The following PSG3 variants were observed in gnomAD, a reference collection of about 807,000 sequenced individuals.
PSG3 encodes the protein pregnancy-specific beta-1-glycoprotein 3.
In PSG3, 61 loss-of-function variants were observed where a neutral mutation model predicts 47.5. The observed-to-expected ratio is 1.28, with a 90% confidence interval of 1.05 to 1.59. The LOEUF (loss-of-function observed/expected upper bound fraction) is 1.59, where lower values mean the gene tolerates loss of function less well. Ranked by LOEUF, PSG3 falls within the 40% of genes most tolerant of loss-of-function variation. The probability of loss-of-function intolerance (pLI) is 0.00; values close to 1 mark genes in which losing one functional copy is unlikely to be tolerated. For missense variants in PSG3, 756 were observed against 524.0 expected (o/e 1.44, Z -4.32); for synonymous variants, 263 against 198.4 (o/e 1.33, Z -2.74).
chr19:42,732,492 C>T (rs144918897), intron 3 of PSG3: 3 of 664,904 alleles, frequency 4.5e-6, no homozygotes, highest in Non-Finnish European at 4.9e-6. Flanking sequence ...ACACTGAAGT[C>T]CCAGCCAAAT....
At position 42,721,764 on chromosome 19, in the gene PSG3, A is replaced by G. The variant is rs1003710971; in HGVS notation, c.*367T>C. 3 of 402,518 alleles carry G rather than the reference A, an allele frequency of 7.5e-6. No individual in the cohort carries two copies. The highest frequency in any genetic ancestry group is 6.2e-5 in the African/African-American group (3 of 48,546). 24.9% of individuals were successfully genotyped at this position (402,518 alleles called of 1,614,324 possible). Reference sequence around the variant, plus strand: ...ATTTTTGTTTACAAAAGTATACTTTACCAATTGCTGAAGAAAAAAAGTGCA... The same window carrying G: ...ATTTTTGTTTACAAAAGTATACTTTGCCAATTGCTGAAGAAAAAAAGTGCA... On this transcript the variant is annotated 3_prime_UTR_variant, in exon 7 of 7. Coordinates refer to ENST00000327495, the MANE Select transcript of PSG3 (RefSeq NM_021016.4).
rs200029769 is a variant in PSG3, at chr19:42,729,486, G to C, written c.989-109C>G. 5.3e-4 allele frequency: 796 copies of C among 1,513,082 alleles called. 8 individuals are homozygous for C. The South Asian group carries it at 6.9e-3, about 13-fold the overall frequency. The allele number at this position is 1,513,082 out of a possible 1,614,324, so 93.7% of individuals were successfully genotyped here. ...TCTGAGCCAAGACACACCCTCAAGT[G>C]CCAGCCAAACCCCCTCTATGTTCAC... On this transcript the variant is annotated intron_variant, in intron 4 of 6. Coordinates refer to ENST00000327495, the MANE Select transcript of PSG3 (RefSeq NM_021016.4).
chr19:42,722,277 G>T (rs1969310763), intron 6 of PSG3, among the ~76,000 whole-genome samples, 187 bp from the exon 7 acceptor site: 1 of 151,948 alleles, frequency 6.6e-6, no homozygotes, highest in Admixed American at 6.5e-5. Context: ...TTGAGACGGA[G>T]TCTCACTCTG....
Position 42,736,612 on chromosome 19 carries a change from T to TTGTGTGTGTGTGTGTG in PSG3, c.430+2096_430+2111dup, listed in dbSNP as rs61479007. ...ACTACAAACCACCATTTCAATACAT[T>TTGTGTGTGTGTGTGTG]TGTGTGTGTGTGTGTGTGTGTGTGT... is the stretch of plus-strand genomic sequence containing the variant. On this transcript the variant is annotated intron_variant, in intron 2 of 6. Transcript: ENST00000327495. 1.7e-3 allele frequency among the ~76,000 whole-genome samples: 241 copies of TTGTGTGTGTGTGTGTG among 138,722 alleles called. 5 individuals are homozygous for TTGTGTGTGTGTGTGTG. The highest frequency in any genetic ancestry group is 6.6e-3 in the African/African-American group (233 of 35,516). The allele number at this position is 138,722 out of a possible 152,430, so 91.0% of individuals were successfully genotyped here.
chr19:42,729,459 C>G, intron 4 of PSG3, 82 bp from the exon 5 acceptor site: 1 of 1,543,272 alleles, frequency 6.5e-7, no homozygotes, highest in Non-Finnish European at 8.7e-7. Flanking sequence ...ACACAGTGAC[C>G]CTCTGAGCCA....
At chr19:42,736,768 C>T (rs578239878) in intron 2 of PSG3, among the ~76,000 whole-genome samples, 5 of 152,150 alleles carry the variant, frequency 3.3e-5, no homozygotes, top group Admixed American at 6.5e-5. Flanking sequence ...GGAAAGAGCC[C>T]TGGATGGGAA....
At chr19:42,736,318 T>C (rs541926902) in intron 2 of PSG3, among the ~76,000 whole-genome samples, 156 of 152,334 alleles carry the variant, frequency 1.0e-3, no homozygotes, top group African/African-American at 3.3e-3. Context: ...TTTTGCATTC[T>C]GGCAACCGGC....
At chr19:42,731,373 G>A (rs1402161109) in intron 3 of PSG3, among the ~76,000 whole-genome samples, 5 of 152,188 alleles carry the variant, frequency 3.3e-5, no homozygotes, top group Non-Finnish European at 5.9e-5. Context: ...CATCAGATTA[G>A]TAGGCAAAAG....
At position 42,723,976 on chromosome 19, in the gene PSG3, C is replaced by T. The variant is rs761028412; in HGVS notation, c.*6G>A. 1.9e-5 allele frequency: 31 copies of T among 1,607,810 alleles called. No individual in the cohort carries two copies. In the East Asian group the frequency reaches 3.8e-4, roughly 20 times the overall value. ...TTCCTGAAATACAGAAATGACATCA[C>T]GGCTGCTATAATGGATTAAGGCCAG... On this transcript the variant is annotated 3_prime_UTR_variant, in exon 6 of 7. Transcript: ENST00000327495.
In PSG3 at chr19:42,730,951, G is replaced by A. The variant is rs781343276; in HGVS notation, c.710-895C>T. Among the ~76,000 whole-genome samples the A allele has an allele frequency of 4.6e-5, 7 of 152,308 alleles. No homozygotes were observed. In the East Asian group the frequency reaches 7.7e-4, roughly 17 times the overall value. ...CCTCATGGACCATATGTGTTTGATG[G>A]ATATGAGACAAATTTGGAGAGAAGT... On this transcript the variant is annotated intron_variant, in intron 3 of 6. Coordinates refer to ENST00000327495, the MANE Select transcript of PSG3 (RefSeq NM_021016.4).
intron 2 of PSG3, among the ~76,000 whole-genome samples, chr19:42,735,996 G>A (rs1333596233): frequency 6.6e-6 from 1 of 152,158 alleles, no homozygotes; most frequent in Admixed American, 6.5e-5. Context: ...CTCATTCCTG[G>A]GCATAGGCCA....
rs1277219639 is a variant in PSG3, at chr19:42,740,459, G to T, written c.-75C>A. On this transcript the variant is annotated 5_prime_UTR_variant, in exon 1 of 7. In the 5' UTR this introduces an upstream ATG that the reference lacks. Coordinates refer to ENST00000327495, the MANE Select transcript of PSG3 (RefSeq NM_021016.4). ...AGAAACTTCCTGAGCATGGCTCTCA[G>T]CTGTGCTGTCCTTCCTCCTTCTGCG... 6.2e-6 allele frequency: 10 copies of T among 1,612,642 alleles called. No individual in the cohort carries two copies. The highest frequency in any genetic ancestry group is 5.3e-5 in the African/African-American group (4 of 74,894).
intron 5 of PSG3, among the ~76,000 whole-genome samples, chr19:42,724,547 G>T (rs944473112): frequency 6.6e-6 from 1 of 152,188 alleles, no homozygotes; most frequent in African/African-American, 2.4e-5. Flanking sequence ...ACTCTAATGG[G>T]TGACTGGTTG....
chr19:42,734,611 T>C (rs1005145249), intron 2 of PSG3, among the ~76,000 whole-genome samples: 10 of 152,214 alleles, frequency 6.6e-5, no homozygotes, highest in Admixed American at 2.6e-4. Context: ...AGTATTTCTC[T>C]TGAGACCAAA....
chr19:42,731,404 A>G (rs558839142), intron 3 of PSG3, among the ~76,000 whole-genome samples: 2 of 152,284 alleles, frequency 1.3e-5, no homozygotes, highest in African/African-American at 4.8e-5. Flanking sequence ...TAAGCCAAAG[A>G]TATTCTTGCC....
chr19:42,732,762 C>T (rs199804997), intron 3 of PSG3, 22 bp downstream of exon 3: 2 of 1,614,150 alleles, frequency 1.2e-6, no homozygotes, highest in Non-Finnish European at 1.7e-6. Context: ...GACTGGCTCA[C>T]AGAGGAACAG....
intron 5 of PSG3, among the ~76,000 whole-genome samples, chr19:42,725,890 C>CAAAAAAAAAAAAACAAAAAAAAAA (rs1969369124): frequency 1.5e-5 from 1 of 68,054 alleles, no homozygotes; most frequent in African/African-American, 6.2e-5. Flanking sequence ...CAACAACAAC[C>CAAAAAAAAAAAAACAAAAAAAAAA]AAAAAAAAAA....
At position 42,729,987 on chromosome 19, in the gene PSG3, A is replaced by T; in HGVS notation, c.779T>A (p.Phe260Tyr). ...NPRENKDVLA[F>Y]TCEPKSENYT... ...GTTCTCACTCTTAGGTTCACAGGTGAAGGCTAAGACATCCTTATTCTCCCT... is the reference window on the plus strand; with the variant it reads ...GTTCTCACTCTTAGGTTCACAGGTGTAGGCTAAGACATCCTTATTCTCCCT... The change falls in exon 4 of 7, where the codon TTC (phenylalanine) becomes TAC (tyrosine). Residue 260 changes from phenylalanine (F) to tyrosine (Y), a missense_variant. Transcript: ENST00000327495. 1.9e-6 allele frequency: 3 copies of T among 1,612,382 alleles called. No homozygotes were observed. Among genetic ancestry groups the T allele is most frequent in the Non-Finnish European group, 2.5e-6 (3 of 1,179,862 alleles).
At chr19:42,730,090 T>G in intron 3 of PSG3, 34 bp from the exon 4 acceptor site, 1 of 1,604,046 alleles carries the variant, frequency 6.2e-7, no homozygotes, top group Non-Finnish European at 8.5e-7. Context: ...TTGTCCTGTG[T>G]GGCACCTTTG....
Sources: allele counts gnomAD v4.1 joint callset (sites outside exome capture counted in the v4.1 genomes callset), GRCh38; gene constraint gnomAD v4.1.1; transcripts MANE v1.5; gene names NCBI Gene and HGNC (gene_info 2026-07-23, HGNC 2026-07-21).